Variants in OR9Q1 observed in about 807,000 individuals in gnomAD.
The protein encoded by OR9Q1 is olfactory receptor 9Q1.
For missense variants in OR9Q1, 374 were observed against 378.8 expected, an observed-to-expected ratio of 0.99 and a Z score of 0.11; for synonymous variants, 153 against 148.6, an observed-to-expected ratio of 1.03 and a Z score of -0.22.
chr11:58,118,902 G>A (rs1340811821), intron 2 of OR9Q1: 1 of 1,613,942 alleles, frequency 6.2e-7, no homozygotes, highest in Non-Finnish European at 8.5e-7. Context: ...GCAGGGGTGG[G>A]AGGTCACAGA....
intron 2 of OR9Q1, among the ~76,000 whole-genome samples, chr11:58,124,069 A>G (rs1024898738): frequency 6.6e-6 from 1 of 152,202 alleles, no homozygotes; most frequent in South Asian, 2.1e-4. Context: ...TTTTTCAGAC[A>G]GGCAATTTCC....
chr11:58,078,037 A>T (rs1288209200), intron 2 of OR9Q1, among the ~76,000 whole-genome samples: 1 of 152,156 alleles, frequency 6.6e-6, no homozygotes, highest in African/African-American at 2.4e-5. Context: ...CATGCCTGTA[A>T]TTCCAGCTAC....
intron 2 of OR9Q1, among the ~76,000 whole-genome samples, chr11:58,060,831 C>T (rs1341049450): frequency 6.6e-6 from 1 of 151,308 alleles, no homozygotes; most frequent in Non-Finnish European, 1.5e-5. Context: ...AAGAACAAAA[C>T]ACAGTGTGGC....
intron 2 of OR9Q1, among the ~76,000 whole-genome samples, chr11:58,104,890 G>A (rs1232941503): frequency 1.3e-5 from 2 of 152,188 alleles, no homozygotes; most frequent in African/African-American, 4.8e-5. Context: ...CAATTTGCCT[G>A]AGTCAAGCAT....
intron 1 of OR9Q1, among the ~76,000 whole-genome samples, chr11:58,038,483 G>A (rs1853129342): frequency 6.6e-6 from 1 of 152,212 alleles, no homozygotes. Flanking sequence ...CTCAGAGAAT[G>A]TCACAGGGAG....
chr11:58,053,313 T>C lies in OR9Q1; in HGVS notation c.-92-2557T>C, dbSNP rs1050681994. ...GTACTTTGCAGGGACATGGATGAAA[T>C]TGGAAATCATCATTCTCAGTAAACT... On this transcript the variant is annotated intron_variant, in intron 1 of 2. Coordinates refer to ENST00000335397, the MANE Select transcript of OR9Q1 (RefSeq NM_001005212.4). Among the ~76,000 whole-genome samples the C allele has an allele frequency of 1.1e-3, 167 of 151,402 alleles. No homozygotes were observed. In the East Asian group the frequency reaches 0.016, roughly 14 times the overall value.
rs201622918 is a variant in OR9Q1 at position 58,118,841 on chromosome 11, A to G, written c.-14-60590A>G. ...TTGGCCAAAATCACAAAATTGCCAA[A>G]GAAGATGATGACAATCTCGATGTTT... On this transcript the variant is annotated intron_variant, in intron 2 of 2. Transcript: ENST00000335397. 1.7e-5 allele frequency: 28 copies of G among 1,614,056 alleles called. No individual in the cohort carries two copies. The East Asian group carries it at 6.3e-4, about 36-fold the overall frequency.
At chr11:58,134,742 A>G (rs1267279757) in intron 2 of OR9Q1, among the ~76,000 whole-genome samples, 1 of 152,100 alleles carries the variant, frequency 6.6e-6, no homozygotes, top group Non-Finnish European at 1.5e-5. Context: ...CCATATCCCT[A>G]TGGCAACTTG....
intron 2 of OR9Q1, among the ~76,000 whole-genome samples, chr11:58,100,568 C>T (rs903079447): frequency 6.6e-6 from 1 of 151,946 alleles, no homozygotes; most frequent in Non-Finnish European, 1.5e-5. Flanking sequence ...TTTCCCCTTC[C>T]TATAGATAAA....
chr11:58,031,727 CTT>C (rs1853042407), intron 1 of OR9Q1: 2 of 1,613,976 alleles, frequency 1.2e-6, no homozygotes, highest in African/African-American at 1.3e-5. Flanking sequence ...CTATGGCACT[CTT>C]TTCTTTATGT....
chr11:58,070,160 C>A (rs939391530), intron 2 of OR9Q1, among the ~76,000 whole-genome samples: 3 of 150,366 alleles, frequency 2.0e-5, no homozygotes, highest in Non-Finnish European at 3.0e-5. Context: ...CGCCACCATG[C>A]CTGCATAATT....
At position 58,068,667 on chromosome 11, in the gene OR9Q1, T is replaced by A. The variant is rs542553138; in HGVS notation, c.-15+12720T>A. Among the ~76,000 whole-genome samples the A allele has an allele frequency of 8.5e-5, 13 of 152,284 alleles. No individual in the cohort carries two copies. The East Asian group carries it at 9.7e-4, about 11-fold the overall frequency. ...TGGCTGTTGAGAAGCTTCAGTGTGA[T>A]CATTTAGGTCATCAAAAGAGCTTTT... On this transcript the variant is annotated intron_variant, in intron 2 of 2. Transcript: ENST00000335397.
chr11:58,046,012 A>T (rs759065455), intron 1 of OR9Q1, among the ~76,000 whole-genome samples: 2 of 152,244 alleles, frequency 1.3e-5, no homozygotes, highest in South Asian at 4.1e-4. Context: ...GTCCCATGAG[A>T]GGCAAAATCA....
At position 58,082,863 on chromosome 11, in the gene OR9Q1, T is replaced by C. The variant is rs375446684; in HGVS notation, c.-15+26916T>C. On this transcript the variant is annotated intron_variant, in intron 2 of 2. Coordinates refer to ENST00000335397, the MANE Select transcript of OR9Q1 (RefSeq NM_001005212.4). ...ACAATGTGCAGGTTAGTTATATATGTGTACATGTGCCATGCTGGTGTGCTG... is the reference window on the plus strand; with the variant it reads ...ACAATGTGCAGGTTAGTTATATATGCGTACATGTGCCATGCTGGTGTGCTG... Among the ~76,000 whole-genome samples the C allele has an allele frequency of 9.1e-4, 137 of 150,054 alleles. 1 individual carries two copies. In the East Asian group the frequency reaches 0.012, roughly 13 times the overall value.
chr11:58,082,213 A>G (rs1468724212), intron 2 of OR9Q1, among the ~76,000 whole-genome samples: 1 of 152,198 alleles, frequency 6.6e-6, no homozygotes, highest in Non-Finnish European at 1.5e-5. Flanking sequence ...GCAATTCCTC[A>G]GGGATCTAGA....
intron 2 of OR9Q1, chr11:58,119,113 T>C (rs754150019): frequency 6.2e-7 from 1 of 1,613,976 alleles, no homozygotes; most frequent in South Asian, 1.1e-5. Context: ...CAGAAAGCAC[T>C]CTGTGCCTGC....
intron 2 of OR9Q1, among the ~76,000 whole-genome samples, chr11:58,178,637 T>A (rs1196553789): frequency 6.6e-6 from 1 of 152,066 alleles, no homozygotes; most frequent in Non-Finnish European, 1.5e-5. Flanking sequence ...AGAGACCATG[T>A]GTCAACACTT....
intron 2 of OR9Q1, among the ~76,000 whole-genome samples, chr11:58,124,829 C>A (rs1321562275): frequency 3.3e-5 from 5 of 152,196 alleles, no homozygotes; most frequent in South Asian, 2.1e-4. Context: ...CTAATCCTGG[C>A]AACCATTTAT....
intron 2 of OR9Q1, among the ~76,000 whole-genome samples, chr11:58,105,219 A>G (rs1853828534): frequency 6.6e-6 from 1 of 152,120 alleles, no homozygotes; most frequent in Non-Finnish European, 1.5e-5. Context: ...TAGAGAAGGT[A>G]AGATAGACAC....
Sources: gnomAD v4.1 joint callset for allele counts (sites outside exome capture counted in the v4.1 genomes callset) on GRCh38, gnomAD v4.1.1 for gene constraint, MANE v1.5 for transcripts, NCBI Gene and HGNC (gene_info 2026-07-23, HGNC 2026-07-21) for gene names.